MYRIP: variants seen among roughly 807,000 people sequenced by gnomAD.
MYRIP encodes rab effector MyRIP.
MYRIP carries 49 observed loss-of-function variants against 98.0 expected under a neutral mutation model. That is an observed-to-expected ratio of 0.50 (90% CI 0.40 to 0.63). The LOEUF (loss-of-function observed/expected upper bound fraction) is 0.63, where lower values mean the gene tolerates loss of function less well. MYRIP is among the 30% of genes least tolerant of loss of function. MYRIP has a pLI of 0.00. For synonymous variants in MYRIP, 404 were observed against 409.5 expected (o/e 0.99, Z 0.16); for missense variants, 1,004 against 1,058.2 (o/e 0.95, Z 0.71).
intron 3 of MYRIP, among the ~76,000 whole-genome samples, chr3:40,110,856 T>C (rs1949143030): frequency 6.6e-6 from 1 of 151,442 alleles, no homozygotes; most frequent in Admixed American, 6.6e-5. Context: ...CAAATGTCTT[T>C]ATGCTACTCT....
At chr3:39,841,363 A>G (rs1231509029) in intron 1 of MYRIP, among the ~76,000 whole-genome samples, 2 of 151,968 alleles carry the variant, frequency 1.3e-5, no homozygotes, top group African/African-American at 4.8e-5. Context: ...CCTTTTATCA[A>G]TCAAGGTTCT....
chr3:40,019,483 A>C (rs1180733168), intron 2 of MYRIP, among the ~76,000 whole-genome samples: 1 of 151,920 alleles, frequency 6.6e-6, no homozygotes, highest in African/African-American at 2.4e-5. Context: ...CTGATTGCCC[A>C]CCTCTGCTGC....
intron 3 of MYRIP, among the ~76,000 whole-genome samples, chr3:40,094,229 G>C (rs533210415): frequency 6.6e-6 from 1 of 152,286 alleles, no homozygotes; most frequent in East Asian, 1.9e-4. Context: ...TACATGATAG[G>C]TGCTCAAGAA....
intron 10 of MYRIP, among the ~76,000 whole-genome samples, chr3:40,194,086 T>C (rs4459833): frequency 0.87 from 131,858 of 152,076 alleles, 57,490 homozygotes; most frequent in Middle Eastern, 0.95. Flanking sequence ...CAATTATTTT[T>C]GGTTACTATC....
chr3:39,889,538 G>A (rs527587173), intron 1 of MYRIP, among the ~76,000 whole-genome samples: 53 of 152,270 alleles, frequency 3.5e-4, no homozygotes, highest in African/African-American at 7.5e-4. Context: ...GTGGGGTGGG[G>A]GTAGGGAGGA....
At chr3:40,215,425 T>C (rs1952087419) in intron 11 of MYRIP, among the ~76,000 whole-genome samples, 1 of 152,204 alleles carries the variant, frequency 6.6e-6, no homozygotes, top group Non-Finnish European at 1.5e-5. Context: ...CTAATAAATG[T>C]CTTTCTCCCC....
chr3:39,942,593 A>G (rs1428836670), intron 2 of MYRIP, among the ~76,000 whole-genome samples: 2 of 152,162 alleles, frequency 1.3e-5, no homozygotes, highest in Non-Finnish European at 2.9e-5. Context: ...TATAATGTGT[A>G]ATGATCAAAT....
chr3:39,838,343 G>A (rs570924535), intron 1 of MYRIP, among the ~76,000 whole-genome samples: 1 of 152,264 alleles, frequency 6.6e-6, no homozygotes, highest in Non-Finnish European at 1.5e-5. Context: ...TTAGCTGTGG[G>A]TTTGTCATAA....
chr3:40,232,720 T>C (rs1371842546), intron 11 of MYRIP: 1 of 152,214 alleles, frequency 6.6e-6, no homozygotes, highest in African/African-American at 2.4e-5. Context: ...AACTCAAAAA[T>C]GCAGATAATT....
intron 2 of MYRIP, among the ~76,000 whole-genome samples, chr3:39,913,201 TA>T (rs1157191684): frequency 6.6e-6 from 1 of 152,210 alleles, no homozygotes; most frequent in African/African-American, 2.4e-5. Context: ...TCACAAATAT[TA>T]AAAGGTCTCT....
intron 16 of MYRIP, among the ~76,000 whole-genome samples, chr3:40,255,831 T>TCTAA (rs1362052714): frequency 6.6e-6 from 1 of 152,252 alleles, no homozygotes; most frequent in African/African-American, 2.4e-5. Context: ...AAGATGTTTA[T>TCTAA]CTAACTATGC....
chr3:39,972,214 A>C (rs1363713132), intron 2 of MYRIP, among the ~76,000 whole-genome samples: 23 of 152,172 alleles, frequency 1.5e-4, no homozygotes, highest in Non-Finnish European at 5.9e-5. Context: ...TCACCCTGGA[A>C]TTTTCTCTTT....
chr3:40,084,136 CAAAAAAAAAAAAAAAA>C (rs753167019), intron 3 of MYRIP, among the ~76,000 whole-genome samples: 1 of 55,056 alleles, frequency 1.8e-5, no homozygotes, highest in Non-Finnish European at 2.9e-5. Context: ...GACTCCATCT[CAAAAAAAAAAAAAAAA>C]AAAAAAAAAA....
intron 1 of MYRIP, among the ~76,000 whole-genome samples, chr3:39,830,163 C>G (rs1260037183): frequency 6.6e-6 from 1 of 152,230 alleles, no homozygotes; most frequent in African/African-American, 2.4e-5. Context: ...TCCAGCTACT[C>G]TTTTGTGGTC....
At chr3:39,827,562 T>G (rs1422354392) in intron 1 of MYRIP, among the ~76,000 whole-genome samples, 1 of 152,244 alleles carries the variant, frequency 6.6e-6, no homozygotes, top group Non-Finnish European at 1.5e-5. Flanking sequence ...TCTTTTATTC[T>G]TTACTTCCTC....
chr3:39,877,776 C>T (rs1392155548), intron 1 of MYRIP, among the ~76,000 whole-genome samples: 1 of 152,188 alleles, frequency 6.6e-6, no homozygotes, highest in Non-Finnish European at 1.5e-5. Context: ...CCCAGTTAGG[C>T]TGCTCGGGGG....
chr3:40,112,687 G>C (rs1203105790), intron 3 of MYRIP, among the ~76,000 whole-genome samples: 6 of 152,188 alleles, frequency 3.9e-5, no homozygotes, highest in Non-Finnish European at 7.3e-5. Context: ...AGCCCTCCCA[G>C]GTCCAAACTT....
chr3:40,036,921 C>T (rs1456274413), intron 2 of MYRIP, among the ~76,000 whole-genome samples: 1 of 152,088 alleles, frequency 6.6e-6, no homozygotes, highest in Non-Finnish European at 1.5e-5. Context: ...TAACTTTATA[C>T]ATTAGTCCAA....
intron 11 of MYRIP, among the ~76,000 whole-genome samples, chr3:40,220,108 T>C (rs1464607708): frequency 5.7e-4 from 86 of 151,744 alleles, no homozygotes; most frequent in South Asian, 1.5e-3. Flanking sequence ...TTTTTTCATA[T>C]GTTTTTTGGC....
Sources: gnomAD v4.1 joint callset for allele counts (sites outside exome capture counted in the v4.1 genomes callset) on GRCh38, gnomAD v4.1.1 for gene constraint, MANE v1.5 for transcripts, NCBI Gene and HGNC (gene_info 2026-07-23, HGNC 2026-07-21) for gene names.